SUCO: variants seen among roughly 807,000 people sequenced by gnomAD.
The protein encoded by SUCO is SUN domain-containing ossification factor.
Under a neutral mutation model 148.1 loss-of-function variants are expected in SUCO, and 57 were observed. That is an observed-to-expected ratio of 0.38 (90% CI 0.31 to 0.48). The LOEUF is 0.48. Ranked by LOEUF, SUCO falls within the 20% of genes least tolerant of loss-of-function variation. The pLI, the probability that SUCO is intolerant of heterozygous loss-of-function variation, is 0.96. For missense variants in SUCO, 1,331 were observed against 1,468.2 expected (o/e 0.91, Z 1.53); for synonymous variants, 470 against 502.7 (o/e 0.93, Z 0.87).
chr1:172,547,697 A>G (rs191033103), intron 1 of SUCO, among the ~76,000 whole-genome samples: 26 of 152,346 alleles, frequency 1.7e-4, no homozygotes, highest in Admixed American at 1.4e-3. Context: ...AATGCAGGAC[A>G]TGATCATAGA....
chr1:172,608,829 A>T (rs1658025249), intron 23 of SUCO, 27 bp downstream of exon 23: 1 of 1,432,674 alleles, frequency 7.0e-7, no homozygotes, highest in Non-Finnish European at 9.7e-7. Flanking sequence ...TTTTAAGTTT[A>T]TTGCTATGTT....
intron 15 of SUCO, among the ~76,000 whole-genome samples, chr1:172,583,662 G>T (rs1656036626): frequency 6.6e-6 from 1 of 152,082 alleles, no homozygotes; most frequent in African/African-American, 2.4e-5. Context: ...CTTTAGGAAG[G>T]GAGATTAAGA....
At chr1:172,538,584 T>C (rs1345102544) in intron 1 of SUCO, among the ~76,000 whole-genome samples, 2 of 152,146 alleles carry the variant, frequency 1.3e-5, no homozygotes, top group East Asian at 3.8e-4. Flanking sequence ...AGGTACGGAA[T>C]CTATTTCTTT....
intron 9 of SUCO, 99 bp downstream of exon 9, chr1:172,570,829 A>C: frequency 2.6e-6 from 2 of 759,180 alleles, no homozygotes; most frequent in Non-Finnish European, 4.4e-6. Context: ...TAATTTAATA[A>C]GCTTTTATGA....
intron 6 of SUCO, among the ~76,000 whole-genome samples, chr1:172,563,912 C>T (rs1420244706): frequency 6.6e-6 from 1 of 152,202 alleles, no homozygotes; most frequent in East Asian, 1.9e-4. Flanking sequence ...TGTGCAGCCT[C>T]CGGACATGGC....
At chr1:172,607,497 T>C (rs1323313469) in intron 22 of SUCO, among the ~76,000 whole-genome samples, 1 of 151,812 alleles carries the variant, frequency 6.6e-6, no homozygotes, top group African/African-American at 2.4e-5. Flanking sequence ...TTCTGATCCA[T>C]TCCCTTATGA....
intron 1 of SUCO, among the ~76,000 whole-genome samples, chr1:172,549,392 C>T (rs1390548947): frequency 6.6e-6 from 1 of 151,696 alleles, no homozygotes; most frequent in African/African-American, 2.4e-5. Flanking sequence ...TTCTTTATTG[C>T]ACATTAATGT....
intron 6 of SUCO, among the ~76,000 whole-genome samples, chr1:172,566,043 C>A (rs867688325): frequency 6.6e-6 from 1 of 152,188 alleles, no homozygotes; most frequent in East Asian, 1.9e-4. Context: ...GTGGGAGGGG[C>A]TTGCACAGGG....
Position 172,611,490 on chromosome 1 carries a change from G to T in SUCO, c.*1231G>T, listed in dbSNP as rs1658210861. 6.6e-6 allele frequency: 1 copy of T among 152,622 alleles called. No homozygotes were observed. The highest frequency in any genetic ancestry group is 2.1e-4 in the South Asian group (1 of 4,830). 9.5% of individuals were successfully genotyped at this position (152,622 alleles called of 1,614,324 possible). ...AGTTATAACTTATTGAGCACTTTTA[G>T]TAGTGATAACTGTTTTTAAACTTGC... On this transcript the variant is annotated 3_prime_UTR_variant, in exon 24 of 24. Transcript: ENST00000263688.
intron 7 of SUCO, 149 bp from the exon 8 acceptor site, chr1:172,569,898 A>G (rs541550261): frequency 4.1e-6 from 3 of 729,464 alleles, no homozygotes. Flanking sequence ...TGATTTTTTT[A>G]TGAATTTTTA....
In SUCO at chr1:172,578,353, C is replaced by G; in HGVS notation, c.1396C>G (p.His466Asp). The G allele has an allele frequency of 3.1e-6, 5 of 1,612,626 alleles. No homozygotes were observed. Among genetic ancestry groups the G allele is most frequent in the Non-Finnish European group, 4.2e-6 (5 of 1,178,822 alleles). Residue 466 changes from histidine (H) to aspartate (D), a missense_variant, in exon 14 of 24, where the codon CAC becomes GAC. Physicochemically the swap from His to Asp is moderately conservative, Grantham distance 81. Around this residue, in one of 3 missense-constraint regions of SUCO, gnomAD observed 992 missense variants for 1,093.5 expected, o/e 0.91. Transcript: ENST00000263688. ...TGAAGAAATTGCTGATTCCCAGTATCACTCAGAACGCCAGGAACTATTTGA... is the reference window on the plus strand; with the variant it reads ...TGAAGAAATTGCTGATTCCCAGTATGACTCAGAACGCCAGGAACTATTTGA... The part of the protein sequence containing the change: ...EYEEIADSQY[H>D]SERQELFDED...
At chr1:172,554,110 A>G (rs1653539256) in intron 3 of SUCO, among the ~76,000 whole-genome samples, 1 of 152,174 alleles carries the variant, frequency 6.6e-6, no homozygotes, top group African/African-American at 2.4e-5. Flanking sequence ...TTATTTTTTA[A>G]CCTTGTACTT....
At chr1:172,599,323 C>T (rs966977285) in intron 19 of SUCO, 13 of 315,436 alleles carry the variant, frequency 4.1e-5, no homozygotes, top group African/African-American at 2.0e-4. Context: ...AGCGAGACTC[C>T]GTCTCAAAAA....
intron 22 of SUCO, 71 bp downstream of exon 22, chr1:172,602,858 GTGT>G: frequency 7.4e-7 from 1 of 1,346,626 alleles, no homozygotes; most frequent in Non-Finnish European, 1.0e-6. Context: ...TATAATGTCA[GTGT>G]TGTGTTCATG....
rs147624404 is a variant in SUCO, at chr1:172,605,123, T to G, written c.3265+2336T>G. 6.4e-3 allele frequency among the ~76,000 whole-genome samples: 966 copies of G among 151,946 alleles called. 9 individuals are homozygous for G. The highest frequency in any genetic ancestry group is 0.022 in the African/African-American group (919 of 41,548). On this transcript the variant is annotated intron_variant, in intron 22 of 23. Transcript: ENST00000263688. ...ATTTGCAAATATTTTCTTTCATCCT[T>G]TAGGTTGCTTTTTCACTGTTTTGAT...
In SUCO at chr1:172,600,075, A is replaced by C; in HGVS notation, c.2925A>C (p.Gln975His). 6.2e-7 allele frequency: 1 copy of C among 1,604,262 alleles called. No individual in the cohort carries two copies. Among genetic ancestry groups the C allele is most frequent in the Admixed American group, 1.8e-5 (1 of 56,562 alleles). The stretch of plus-strand genomic sequence containing the variant: ...TTCCTTTATCATAGGATCAGCGGCA[A>C]ACTGAAGCCATCCAGTTGCTACAGG... ...SRIAEEQDQRQTEAIQLLQAQ... is the reference protein window; with the variant it reads ...SRIAEEQDQRHTEAIQLLQAQ... Residue 975 changes from glutamine (Q) to histidine (H), a missense_variant, in exon 20 of 24, where the codon CAA becomes CAC. Gln to His is a conservative substitution (Grantham distance 24). Coordinates refer to ENST00000263688, the MANE Select transcript of SUCO (RefSeq NM_014283.5).
At chr1:172,591,177 T>C in intron 19 of SUCO, 106 bp downstream of exon 19, 1 of 784,604 alleles carries the variant, frequency 1.3e-6, no homozygotes. Flanking sequence ...TTCCCCCTGC[T>C]AGCTGGTGTT....
At chr1:172,609,305 A>G (rs1386665258) in intron 23 of SUCO, 1 of 985,128 alleles carries the variant, frequency 1.0e-6, no homozygotes, top group Non-Finnish European at 1.2e-6. Flanking sequence ...TTGCCTTTCA[A>G]ATTAAGTTAT....
chr1:172,590,023 A>C, intron 18 of SUCO, 97 bp downstream of exon 18: 28 of 1,059,018 alleles, frequency 2.6e-5, no homozygotes, highest in South Asian at 5.6e-5. Flanking sequence ...TAATTATCTC[A>C]TGATATAATA....
Sources: gnomAD v4.1 joint callset for allele counts (sites outside exome capture counted in the v4.1 genomes callset) on GRCh38, gnomAD v4.1.1 for gene constraint, gnomAD v4.1.1 regional missense constraint, MANE v1.5 for transcripts, NCBI Gene and HGNC (gene_info 2026-07-23, HGNC 2026-07-21) for gene names.